AZIN2: variants seen among roughly 807,000 people sequenced by gnomAD.
The protein encoded by AZIN2 is ODC antizyme inhibitor-2.
AZIN2 carries 28 observed loss-of-function variants against 47.8 expected under a neutral mutation model. The observed-to-expected ratio is 0.59, with a 90% CI of 0.43 to 0.80. AZIN2 has a LOEUF of 0.80. AZIN2 is among the 30% of genes least tolerant of loss of function. The probability of loss-of-function intolerance (pLI) is 0.00; values close to 1 mark genes in which losing one functional copy is unlikely to be tolerated. For synonymous variants in AZIN2, 221 were observed against 239.4 expected, an observed-to-expected ratio of 0.92 and a Z score of 0.71; for missense variants, 535 against 582.5, an observed-to-expected ratio of 0.92 and a Z score of 0.84.
the AZIN2 span, among the ~76,000 whole-genome samples, chr1:33,143,985 G>A: frequency 2.0e-5 from 3 of 152,212 alleles, no homozygotes; most frequent in Non-Finnish European, 2.9e-5. Flanking sequence ...GAGTCACTAC[G>A]TTCCTTAAAA....
At chr1:33,111,409 T>C (rs1228980952) in intron 10 of AZIN2, among the ~76,000 whole-genome samples, 1 of 152,126 alleles carries the variant, frequency 6.6e-6, no homozygotes, top group Non-Finnish European at 1.5e-5. Flanking sequence ...GAATGCCACG[T>C]TGAGATGTTA....
At chr1:33,097,269 A>G (rs911617040) in intron 9 of AZIN2, among the ~76,000 whole-genome samples, 1 of 152,150 alleles carries the variant, frequency 6.6e-6, no homozygotes, top group African/African-American at 2.4e-5. Context: ...CTCATAATAT[A>G]ATGAAAATAA....
Position 33,098,229 on chromosome 1 carries a change from A to G in AZIN2, c.1029+50A>G, listed in dbSNP as rs149246978. ...TTTTCAGTTGTGTGTGTGTATTTCAATAACATTTGTTGTGTTTTTATCTAA... is the reference window on the plus strand; with the variant it reads ...TTTTCAGTTGTGTGTGTGTATTTCAGTAACATTTGTTGTGTTTTTATCTAA... On this transcript the variant is annotated intron_variant, in intron 10 of 11. Coordinates refer to ENST00000294517, the MANE Select transcript of AZIN2 (RefSeq NM_052998.4). 6.7e-5 allele frequency: 89 copies of G among 1,323,728 alleles called. 1 individual carries two copies. In the African/African-American group the frequency reaches 1.1e-3, roughly 16 times the overall value. 82.0% of individuals were successfully genotyped at this position (1,323,728 alleles called of 1,614,324 possible). A position where few individuals can be genotyped will look rare whatever the true frequency, so the allele number is the denominator to read the frequency against.
chr1:33,093,496 C>T, intron 7 of AZIN2, 80 bp downstream of exon 7: 1 of 1,525,370 alleles, frequency 6.6e-7, no homozygotes. Context: ...TATATGAGAC[C>T]TTCCCCAGGG....
At chr1:33,130,927 T>G in the AZIN2 span, among the ~76,000 whole-genome samples, 1 of 152,198 alleles carries the variant, frequency 6.6e-6, no homozygotes, top group Non-Finnish European at 1.5e-5. Flanking sequence ...TGGAGTTGGA[T>G]GTGGGAAGGA....
Position 33,094,631 on chromosome 1 carries a change from C to T in AZIN2, c.671C>T (p.Thr224Ile), listed in dbSNP as rs761446092. The T allele has an allele frequency of 6.2e-7, 1 of 1,614,160 alleles. No individual in the cohort carries two copies. Among genetic ancestry groups the T allele is most frequent in the Non-Finnish European group, 8.5e-7 (1 of 1,180,026 alleles). The change falls in exon 8 of 12, where the codon ACC becomes ATC. Residue 224 changes from threonine to isoleucine, a missense_variant. Transcript: ENST00000294517. Reference protein sequence around the residue: ...ADARLVFEMGTELGHKMHVLD... With the variant: ...ADARLVFEMGIELGHKMHVLD... ...GCCCGGCTCGTGTTTGAAATGGGCA[C>T]CGAGCTGGGTCACAAGATGCACGTT...
the AZIN2 span, chr1:33,159,783 C>T: frequency 6.9e-4 from 1,109 of 1,613,822 alleles, 6 homozygotes; most frequent in South Asian, 1.9e-3. This position sits in a 1 kb window ranked among gnomAD's most constrained non-coding sequence, Gnocchi z 4.2. Context: ...GGACCTTGCG[C>T]AGCTGCTGGC....
In AZIN2 at chr1:33,090,603, T is replaced by C. The variant is rs908345292; in HGVS notation, c.280-1447T>C. Among the ~76,000 whole-genome samples the C allele has an allele frequency of 1.8e-4, 28 of 152,320 alleles. 1 individual carries two copies. Among genetic ancestry groups the C allele is most frequent in the Admixed American group, 1.8e-3 (28 of 15,308 alleles). ...TAAGCTGACAAATAAAAATTGTATATATTTATGGTGTACAACATGATGTTT... is the reference window on the plus strand; with the variant it reads ...TAAGCTGACAAATAAAAATTGTATACATTTATGGTGTACAACATGATGTTT... On this transcript the variant is annotated intron_variant, in intron 5 of 11. Transcript: ENST00000294517.
Position 33,082,316 on chromosome 1 carries a change from C to A in AZIN2, c.67C>A (p.Leu23Met). The A allele has an allele frequency of 6.2e-7, 1 of 1,614,064 alleles. No individual in the cohort carries two copies. The highest frequency in any genetic ancestry group is 8.5e-7 in the Non-Finnish European group (1 of 1,179,980). The change falls in exon 4 of 12, where the codon CTG becomes ATG. Residue 23 changes from leucine to methionine, a missense_variant. Physicochemically the swap from Leu to Met is conservative, Grantham distance 15. Around this residue, in one of 3 missense-constraint regions of AZIN2, gnomAD observed 409 missense variants for 429.0 expected, o/e 0.95. Coordinates refer to ENST00000294517, the MANE Select transcript of AZIN2 (RefSeq NM_052998.4). Reference protein sequence around the residue: ...VEEGFSTRDLLKELTLGASQA... With the variant: ...VEEGFSTRDLMKELTLGASQA... ...GGAGGGCTTCAGTACCCGAGACCTG[C>A]TGAAGGAACTCACTCTGGGGGCCTC...
At chr1:33,158,467 T>C in the AZIN2 span, 3 of 870,560 alleles carry the variant, frequency 3.4e-6, no homozygotes, top group East Asian at 5.0e-5. Flanking sequence ...GCATAGGATG[T>C]GGTCATGAGT....
chr1:33,118,100 A>T lies in AZIN2; in HGVS notation c.1228A>T (p.Met410Leu). 1 of 1,512,388 alleles carries T rather than the reference A, an allele frequency of 6.6e-7. No individual in the cohort carries two copies. The highest frequency in any genetic ancestry group is 1.3e-5 in the South Asian group (1 of 74,636). The allele number at this position is 1,512,388 out of a possible 1,614,324, so 93.7% of individuals were successfully genotyped here. A position where few individuals can be genotyped will look rare whatever the true frequency, so the allele number is the denominator to read the frequency against. ...GTQACHITYA[M>L]SRVAWEALRR... ...CCAGGCCTGCCACATCACCTATGCC[A>T]TGTCCCGGGTGGCCTGGTAAGAGGG... The change falls in exon 11 of 12, where the codon ATG (methionine) becomes TTG (leucine). Residue 410 changes from methionine to leucine, a missense_variant. This residue lies in a region of AZIN2 where 122 missense variants were observed against 135.8 expected (regional missense o/e 0.90). Coordinates refer to ENST00000294517, the MANE Select transcript of AZIN2 (RefSeq NM_052998.4).
chr1:33,136,134 C>A, the AZIN2 span, among the ~76,000 whole-genome samples: 1 of 144,260 alleles, frequency 6.9e-6, no homozygotes, highest in Admixed American at 6.9e-5. Flanking sequence ...TTCCTTCCTT[C>A]CTTCCTTCCT....
chr1:33,158,305 T>A, the AZIN2 span: 1 of 1,613,994 alleles, frequency 6.2e-7, no homozygotes. Flanking sequence ...GCAGGGGGCC[T>A]GTGTACTTGG....
chr1:33,155,498 T>C, the AZIN2 span, among the ~76,000 whole-genome samples: 1 of 152,088 alleles, frequency 6.6e-6, no homozygotes, highest in East Asian at 1.9e-4. Context: ...CCCTGAGCCT[T>C]GGTCTCCCCA....
intron 7 of AZIN2, among the ~76,000 whole-genome samples, 170 bp from the exon 8 acceptor site, chr1:33,094,378 C>G (rs1403218619): frequency 1.3e-5 from 2 of 152,224 alleles, no homozygotes; most frequent in Non-Finnish European, 2.9e-5. Context: ...TCCACTTCTC[C>G]CTTGCCATAT....
At chr1:33,127,523 A>G (rs941272772), downstream of AZIN2, among the ~76,000 whole-genome samples, 1 of 152,220 alleles carries the variant, frequency 6.6e-6, no homozygotes, top group Admixed American at 6.5e-5. Flanking sequence ...AAAGGGGTCA[A>G]CCCGGGACTG....
At chr1:33,119,856 T>G in intron 11 of AZIN2, 188 bp from the exon 12 acceptor site, 1 of 646,104 alleles carries the variant, frequency 1.5e-6, no homozygotes, top group Non-Finnish European at 2.6e-6. Flanking sequence ...TTCTTTCCCT[T>G]GTTGAGGGGT....
Position 33,099,628 on chromosome 1 carries a change from G to GC in AZIN2, c.1029+1455dup, listed in dbSNP as rs1200845443. On this transcript the variant is annotated intron_variant, in intron 10 of 11. Transcript: ENST00000294517. ...GATGATGGTCCCAGCCCACTGCCACGCCCCCCACCGGGATCTTTGCTTTGG... is the reference window on the plus strand; with the variant it reads ...GATGATGGTCCCAGCCCACTGCCACGCCCCCCCACCGGGATCTTTGCTTTGG... Among the ~76,000 whole-genome samples the GC allele has an allele frequency of 2.6e-5, 4 of 152,168 alleles. No individual in the cohort carries two copies. The South Asian group carries it at 8.3e-4, about 32-fold the overall frequency.
chr1:33,119,886 G>A, intron 11 of AZIN2, 158 bp from the exon 12 acceptor site: 1 of 901,104 alleles, frequency 1.1e-6, no homozygotes, highest in Admixed American at 2.6e-5. Context: ...ACGGGAGTAG[G>A]AAGCAGTTGG....
Sources: gnomAD v4.1 joint callset for allele counts (sites outside exome capture counted in the v4.1 genomes callset) on GRCh38, gnomAD v4.1.1 for gene constraint, gnomAD v4.1.1 regional missense constraint, Gnocchi (gnomAD v3.1) non-coding constraint, MANE v1.5 for transcripts, NCBI Gene and HGNC (gene_info 2026-07-23, HGNC 2026-07-21) for gene names.